The following USP46 variants were observed in gnomAD, a reference collection of about 807,000 sequenced individuals.
USP46 encodes the protein ubiquitin carboxyl-terminal hydrolase 46.
Under a neutral mutation model 44.4 loss-of-function variants are expected in USP46, and 12 were observed. The observed-to-expected ratio is 0.27, with a 90% CI of 0.17 to 0.44. The LOEUF (loss-of-function observed/expected upper bound fraction) is 0.44, where lower values mean the gene tolerates loss of function less well. USP46 is among the 20% of genes least tolerant of loss of function. The probability of loss-of-function intolerance (pLI) is 1.00; values close to 1 mark genes in which losing one functional copy is unlikely to be tolerated. For missense variants in USP46, 248 were observed against 444.8 expected, an observed-to-expected ratio of 0.56 and a Z score of 3.98; for synonymous variants, 155 against 161.5, an observed-to-expected ratio of 0.96 and a Z score of 0.31.
At chr4:52,605,927 T>C (rs1215031316) in intron 5 of USP46, among the ~76,000 whole-genome samples, 1 of 152,168 alleles carries the variant, frequency 6.6e-6, no homozygotes, top group Non-Finnish European at 1.5e-5. Context: ...GCTAACCCGG[T>C]TGTTCAGCAC....
At chr4:52,633,002 G>GAAAGAAAGAAAGAAAGAAAAGA (rs1717969982) in intron 1 of USP46, among the ~76,000 whole-genome samples, 1 of 117,058 alleles carries the variant, frequency 8.5e-6, no homozygotes, top group South Asian at 2.7e-4. Context: ...AAGAAAGAAA[G>GAAAGAAAGAAAGAAAGAAAAGA]AAAGAAAGAA....
At chr4:52,637,989 G>A (rs1283407784) in intron 1 of USP46, among the ~76,000 whole-genome samples, 1 of 152,138 alleles carries the variant, frequency 6.6e-6, no homozygotes, top group Non-Finnish European at 1.5e-5. Context: ...ATTCTACACT[G>A]GCACCCCTAG....
At chr4:52,608,818 T>C (rs1388530121) in intron 5 of USP46, among the ~76,000 whole-genome samples, 1 of 152,000 alleles carries the variant, frequency 6.6e-6, no homozygotes, top group Admixed American at 6.5e-5. Flanking sequence ...ACTGGGAGAA[T>C]GGGAATTTAA....
chr4:52,598,673 C>G lies in USP46; in HGVS notation c.954G>C (p.Val318=). ...ACAAAAGCCAGAAGCCGTGACTTTTCACAATAGTGATATAATGCCCACGAT... is the reference window on the plus strand; with the variant it reads ...ACAAAAGCCAGAAGCCGTGACTTTTGACAATAGTGATATAATGCCCACGAT... ...GPNRGHYITI[V]KSHGFWLLFD... The change falls in exon 8 of 9, where the codon GTG becomes GTC. Residue 318 remains valine, a synonymous_variant. Coordinates refer to ENST00000441222, the MANE Select transcript of USP46 (RefSeq NM_022832.4). The G allele has an allele frequency of 6.2e-7, 1 of 1,610,366 alleles. No individual in the cohort carries two copies. The highest frequency in any genetic ancestry group is 8.5e-7 in the Non-Finnish European group (1 of 1,178,538).
At chr4:52,657,174 C>G (rs1249573851) in intron 1 of USP46, among the ~76,000 whole-genome samples, 1 of 151,984 alleles carries the variant, frequency 6.6e-6, no homozygotes, top group Non-Finnish European at 1.5e-5. Flanking sequence ...ATTACTGGTT[C>G]CTCACTTCAT....
chr4:52,620,028 G>A (rs1245311869), intron 4 of USP46, among the ~76,000 whole-genome samples: 1 of 152,098 alleles, frequency 6.6e-6, no homozygotes, highest in Admixed American at 6.5e-5. Context: ...ATAAACAGCT[G>A]GAATCCCATT....
chr4:52,619,752 G>A (rs1299726746), intron 4 of USP46, among the ~76,000 whole-genome samples: 1 of 152,092 alleles, frequency 6.6e-6, no homozygotes, highest in Admixed American at 6.5e-5. Flanking sequence ...CTCTGGACGG[G>A]GTCCATCAGA....
At chr4:52,633,230 C>A (rs915246382) in intron 1 of USP46, among the ~76,000 whole-genome samples, 9 of 152,204 alleles carry the variant, frequency 5.9e-5, no homozygotes, top group Non-Finnish European at 1.3e-4. Flanking sequence ...GGCACACAGC[C>A]TCCCCTCATC....
chr4:52,634,471 T>G (rs1217665997), intron 1 of USP46, among the ~76,000 whole-genome samples: 1 of 137,124 alleles, frequency 7.3e-6, no homozygotes, highest in Non-Finnish European at 1.5e-5. Flanking sequence ...ATCACGCCAT[T>G]GCACTCCAGC....
intron 4 of USP46, among the ~76,000 whole-genome samples, chr4:52,611,352 T>A (rs1716926824): frequency 6.6e-6 from 1 of 152,196 alleles, no homozygotes; most frequent in South Asian, 2.1e-4. Flanking sequence ...ATCTCATATA[T>A]CTCAAGGCTC....
intron 7 of USP46, among the ~76,000 whole-genome samples, chr4:52,599,735 A>G (rs1393997906): frequency 6.6e-6 from 1 of 152,148 alleles, no homozygotes; most frequent in Non-Finnish European, 1.5e-5. Context: ...TAAAGTTGAA[A>G]AAGCCAAACT....
At chr4:52,627,412 C>A (rs1295045861) in intron 3 of USP46, among the ~76,000 whole-genome samples, 1 of 152,106 alleles carries the variant, frequency 6.6e-6, no homozygotes, top group East Asian at 1.9e-4. Context: ...ACCAATCCCC[C>A]AGAAGAAGAA....
rs938594771 is a variant in USP46, at chr4:52,659,243, C to A, written c.-93G>T. ...GCGCGCTGGCGGGGAGGCCGGGCGG[C>A]AGCGCGGCGGCCTGGGGTCCGGCTT... On this transcript the variant is annotated 5_prime_UTR_variant, in exon 1 of 9. Transcript: ENST00000441222. The surrounding 1 kb of genome is among the most constrained non-coding windows in gnomAD (Gnocchi z 4.2). The A allele has an allele frequency of 7.9e-6, 11 of 1,401,060 alleles. No individual in the cohort carries two copies. The South Asian group carries it at 1.6e-4, about 21-fold the overall frequency. The allele number at this position is 1,401,060 out of a possible 1,614,324, so 86.8% of individuals were successfully genotyped here. A position where few individuals can be genotyped will look rare whatever the true frequency, so the allele number is the denominator to read the frequency against.
chr4:52,658,304 G>A (rs149803595), intron 1 of USP46: 77 of 456,150 alleles, frequency 1.7e-4, no homozygotes, highest in African/African-American at 1.4e-3. Context: ...GGAAAGCAAT[G>A]GGGGAAACCC....
chr4:52,609,894 ATTTCTTTTTTTTTTTTTTTTT>A (rs1716864076), intron 5 of USP46, among the ~76,000 whole-genome samples: 1 of 20,646 alleles, frequency 4.8e-5, no homozygotes, highest in African/African-American at 1.6e-4. Flanking sequence ...CCTCAATTCT[ATTTCTTTTTTTTTTTTTTTTT>A]TTTTTTTTTT....
chr4:52,622,267 A>G (rs1474395760), intron 4 of USP46, among the ~76,000 whole-genome samples: 1 of 152,210 alleles, frequency 6.6e-6, no homozygotes. Flanking sequence ...GATTTTTTAA[A>G]CTATTCTTTA....
At chr4:52,614,146 A>C (rs1284169608) in intron 4 of USP46, among the ~76,000 whole-genome samples, 1 of 152,226 alleles carries the variant, frequency 6.6e-6, no homozygotes, top group Non-Finnish European at 1.5e-5. Flanking sequence ...GGACTAAAGA[A>C]AAAAGATTGA....
intron 1 of USP46, among the ~76,000 whole-genome samples, chr4:52,644,119 T>A (rs1377864113): frequency 6.6e-6 from 1 of 152,168 alleles, no homozygotes; most frequent in African/African-American, 2.4e-5. Flanking sequence ...TGAGCAATAC[T>A]GAATGTGACT....
intron 5 of USP46, among the ~76,000 whole-genome samples, chr4:52,607,353 T>C (rs1269923954): frequency 6.6e-6 from 1 of 152,162 alleles, no homozygotes; most frequent in African/African-American, 2.4e-5. Context: ...GTTCTATACC[T>C]GTTGGAACAA....
Sources: allele counts gnomAD v4.1 joint callset (sites outside exome capture counted in the v4.1 genomes callset), GRCh38; gene constraint gnomAD v4.1.1; non-coding constraint Gnocchi (gnomAD v3.1); transcripts MANE v1.5; gene names NCBI Gene and HGNC (gene_info 2026-07-23, HGNC 2026-07-21).